Variants in SDK2 observed in about 807,000 individuals in gnomAD.
SDK2 encodes the protein sidekick cell adhesion molecule 2.
A neutral mutation model predicts 253.9 loss-of-function variants in SDK2; 105 were observed. That is an observed-to-expected ratio of 0.41 (90% CI 0.35 to 0.49). The LOEUF is 0.49. Ranked by LOEUF, SDK2 falls within the 20% of genes least tolerant of loss-of-function variation. The probability of loss-of-function intolerance (pLI) is 0.06; values close to 1 mark genes in which losing one functional copy is unlikely to be tolerated. For synonymous variants in SDK2, 1,249 were observed against 1,234.9 expected (o/e 1.01, Z -0.24); for missense variants, 2,608 against 3,003.0 (o/e 0.87, Z 3.07).
In SDK2 at chr17:73,350,652, G is replaced by A. The variant is rs753787922; in HGVS notation, c.5897C>T (p.Ser1966Leu). The A allele has an allele frequency of 1.4e-5, 23 of 1,609,828 alleles. No homozygotes were observed. Among genetic ancestry groups the A allele is most frequent in the South Asian group, 1.3e-4 (12 of 90,832 alleles). Residue 1966 changes from serine to leucine, a missense_variant and splice_region_variant, in exon 42 of 45, where the codon TCG (serine) becomes TTG (leucine). Physicochemically the swap from Ser to Leu is moderately radical, Grantham distance 145 (BLOSUM62 -2). Around this residue, in one of 2 missense-constraint regions of SDK2, gnomAD observed 1,103 missense variants for 1,143.9 expected, o/e 0.96. Transcript: ENST00000392650. Reference sequence around the variant, plus strand: ...ATGGCTGGTGCCAGCTCACTCACCCGAGTCTGTCTTCTTGGCGTACTTCTT... The same window carrying A: ...ATGGCTGGTGCCAGCTCACTCACCCAAGTCTGTCTTCTTGGCGTACTTCTT... Reference protein sequence around the residue: ...QSKKYAKKTDSGNSAKSGALG... With the variant: ...QSKKYAKKTDLGNSAKSGALG...
intron 1 of SDK2, among the ~76,000 whole-genome samples, chr17:73,630,171 T>G (rs571673094): frequency 5.3e-5 from 8 of 152,014 alleles, no homozygotes; most frequent in Non-Finnish European, 7.4e-5. Context: ...CTTCAAATCT[T>G]TATGCCAGGC....
intron 8 of SDK2, among the ~76,000 whole-genome samples, chr17:73,437,145 T>A (rs61649174): frequency 6.4e-4 from 98 of 152,274 alleles, no homozygotes; most frequent in African/African-American, 2.3e-3. Context: ...CAGAGACACA[T>A]TTTGCCCCTT....
intron 1 of SDK2, among the ~76,000 whole-genome samples, chr17:73,630,464 G>A (rs1365409326): frequency 1.4e-4 from 10 of 73,454 alleles, no homozygotes; most frequent in South Asian, 4.5e-4. Flanking sequence ...CTCCCATCCC[G>A]CCCTCCTCCC....
At chr17:73,501,257 C>T (rs2063888983) in intron 2 of SDK2, among the ~76,000 whole-genome samples, 1 of 151,856 alleles carries the variant, frequency 6.6e-6, no homozygotes, top group South Asian at 2.1e-4. Context: ...CACACACACA[C>T]ACATATTTTA....
In SDK2 at chr17:73,612,421, G is replaced by C. The variant is rs1318859049; in HGVS notation, c.64+31604C>G. 1.3e-5 allele frequency among the ~76,000 whole-genome samples: 2 copies of C among 152,138 alleles called. No individual in the cohort carries two copies. Among genetic ancestry groups the C allele is most frequent in the Admixed American group, 1.3e-4 (2 of 15,280 alleles). On this transcript the variant is annotated intron_variant, in intron 1 of 44. Transcript: ENST00000392650. This position sits in a 1 kb window ranked among gnomAD's most constrained non-coding sequence, Gnocchi z 4.4. ...TGGCCCAGCTGCACCTAGGCTGCAG[G>C]CTGGCCTCCCAAGGTCCCCTACCCT...
At chr17:73,523,804 A>G (rs1017053428) in intron 1 of SDK2, among the ~76,000 whole-genome samples, 1 of 149,994 alleles carries the variant, frequency 6.7e-6, no homozygotes, top group Non-Finnish European at 1.5e-5. Context: ...CACTGCGCAG[A>G]GCCCCTTTCT....
rs397689294 is a variant in SDK2 at position 73,418,010 on chromosome 17, G to GTTTTTT, written c.2186+1150_2186+1155dup. ...AGATGCATCAAAGTCTCCTAGATGA[G>GTTTTTT]TTTTTTTTTTTTTTTTTTGTTTTTA... On this transcript the variant is annotated intron_variant, in intron 16 of 44. Coordinates refer to ENST00000392650, the MANE Select transcript of SDK2 (RefSeq NM_001144952.2). 3.3e-3 allele frequency among the ~76,000 whole-genome samples: 419 copies of GTTTTTT among 128,210 alleles called. 15 individuals carry two copies. The highest frequency in any genetic ancestry group is 4.6e-3 in the Middle Eastern group (1 of 216). The allele number at this position is 128,210 out of a possible 152,430, so 84.1% of individuals were successfully genotyped here.
chr17:73,532,236 G>T (rs926855236), intron 1 of SDK2, among the ~76,000 whole-genome samples: 2 of 114,004 alleles, frequency 1.8e-5, no homozygotes, highest in Admixed American at 1.4e-4. Flanking sequence ...GATCCAGCAC[G>T]GAATGTCAAC....
chr17:73,497,031 G>A (rs1254786063), intron 2 of SDK2, among the ~76,000 whole-genome samples: 1 of 152,172 alleles, frequency 6.6e-6, no homozygotes, highest in African/African-American at 2.4e-5. Flanking sequence ...CAAGTAGCTG[G>A]CCTTACAGGC....
At chr17:73,575,644 A>T (rs572591413) in intron 1 of SDK2, among the ~76,000 whole-genome samples, 4 of 152,352 alleles carry the variant, frequency 2.6e-5, no homozygotes, top group South Asian at 4.1e-4. Flanking sequence ...ACGAGTTAAT[A>T]TGTGTAAAGC....
intron 39 of SDK2, among the ~76,000 whole-genome samples, chr17:73,358,426 C>T (rs1018605622): frequency 2.6e-5 from 4 of 152,196 alleles, no homozygotes; most frequent in Non-Finnish European, 4.4e-5. Context: ...TATTCCAAAT[C>T]CCAGGGCAGA....
At position 73,612,391 on chromosome 17, in the gene SDK2, C is replaced by T. The variant is rs1196279299; in HGVS notation, c.64+31634G>A. Reference sequence around the variant, plus strand: ...CGCACAGTCCCCACCCTCACCGGGTCCCTGTGGCCCAGCTGCACCTAGGCT... The same window carrying T: ...CGCACAGTCCCCACCCTCACCGGGTTCCTGTGGCCCAGCTGCACCTAGGCT... On this transcript the variant is annotated intron_variant, in intron 1 of 44. Coordinates refer to ENST00000392650, the MANE Select transcript of SDK2 (RefSeq NM_001144952.2). This position sits in a 1 kb window ranked among gnomAD's most constrained non-coding sequence, Gnocchi z 4.4. Among the ~76,000 whole-genome samples, 8 of 151,648 alleles carry T rather than the reference C, an allele frequency of 5.3e-5. No homozygotes were observed. The South Asian group carries it at 1.7e-3, about 32-fold the overall frequency.
intron 1 of SDK2, among the ~76,000 whole-genome samples, chr17:73,522,371 C>T (rs1056835731): frequency 6.6e-6 from 1 of 152,216 alleles, no homozygotes; most frequent in Non-Finnish European, 1.5e-5. Context: ...AGACAACAGC[C>T]TGGCCCACCT....
At chr17:73,641,019 C>T (rs1046781431) in intron 1 of SDK2, 4 of 152,152 alleles carry the variant, frequency 2.6e-5, no homozygotes, top group South Asian at 2.1e-4. Flanking sequence ...TGTCTGGGAG[C>T]GGAGCCCAAG....
At chr17:73,574,100 G>T (rs2045424848) in intron 1 of SDK2, among the ~76,000 whole-genome samples, 1 of 152,148 alleles carries the variant, frequency 6.6e-6, no homozygotes. Flanking sequence ...AGGAATGGAA[G>T]CTCTGCCCAC....
At chr17:73,409,928 C>T (rs2063112429) in intron 18 of SDK2, among the ~76,000 whole-genome samples, 1 of 152,112 alleles carries the variant, frequency 6.6e-6, no homozygotes, top group Non-Finnish European at 1.5e-5. Flanking sequence ...GATTTCAGCT[C>T]ACTGTAGCCT....
Position 73,338,100 on chromosome 17 carries a change from G to C in SDK2, c.*487C>G, listed in dbSNP as rs571935524. On this transcript the variant is annotated 3_prime_UTR_variant, in exon 45 of 45. Coordinates refer to ENST00000392650, the MANE Select transcript of SDK2 (RefSeq NM_001144952.2). The surrounding 1 kb of genome is among the most constrained non-coding windows in gnomAD (Gnocchi z 5.0). ...ATGGAGGGAAGGAGGAGCAGAGAGA[G>C]AAGATAGGCGTGGCCTCCGGGATGC... 113 of 251,370 alleles carry C rather than the reference G, an allele frequency of 4.5e-4. No individual in the cohort carries two copies. The highest frequency in any genetic ancestry group is 2.5e-3 in the African/African-American group (110 of 43,380). 15.6% of individuals were successfully genotyped at this position (251,370 alleles called of 1,614,324 possible).
chr17:73,469,641 A>G (rs548043254), intron 3 of SDK2, among the ~76,000 whole-genome samples: 39 of 152,108 alleles, frequency 2.6e-4, no homozygotes, highest in Admixed American at 3.9e-4. Context: ...AAGGGACCAC[A>G]CACGTGTCTG....
intron 1 of SDK2, among the ~76,000 whole-genome samples, chr17:73,515,087 T>G (rs28434771): frequency 1.3e-3 from 192 of 152,310 alleles, no homozygotes; most frequent in African/African-American, 4.4e-3. Context: ...TCATCTTAGT[T>G]AAGAGGCCTG....
Sources: gnomAD v4.1 joint callset for allele counts (sites outside exome capture counted in the v4.1 genomes callset) on GRCh38, gnomAD v4.1.1 for gene constraint, gnomAD v4.1.1 regional missense constraint, Gnocchi (gnomAD v3.1) non-coding constraint, MANE v1.5 for transcripts, NCBI Gene and HGNC (gene_info 2026-07-23, HGNC 2026-07-21) for gene names.